Variants in UVSSA observed in about 807,000 individuals in gnomAD.
UVSSA encodes UV stimulated scaffold protein A.
A neutral mutation model predicts 73.9 loss-of-function variants in UVSSA; 72 were observed. The observed-to-expected ratio is 0.97, with a 90% CI of 0.81 to 1.19. UVSSA has a LOEUF of 1.19. Ranked by LOEUF, UVSSA falls within the 50% of genes most tolerant of loss-of-function variation. The probability of loss-of-function intolerance (pLI) is 0.00; values close to 1 mark genes in which losing one functional copy is unlikely to be tolerated. For missense variants in UVSSA, 1,150 were observed against 965.0 expected, an observed-to-expected ratio of 1.19 and a Z score of -2.54; for synonymous variants, 454 against 391.3, an observed-to-expected ratio of 1.16 and a Z score of -1.89.
chr4:1,369,062 G>A (rs1577342611), intron 8 of UVSSA, among the ~76,000 whole-genome samples: 1 of 152,232 alleles, frequency 6.6e-6, no homozygotes, highest in Non-Finnish European at 1.5e-5. Flanking sequence ...GCAGGCAGAG[G>A]CCCTGGTGGT....
intron 7 of UVSSA, among the ~76,000 whole-genome samples, chr4:1,357,200 C>G (rs1715907886): frequency 6.8e-6 from 1 of 146,632 alleles, no homozygotes; most frequent in Non-Finnish European, 1.5e-5. Flanking sequence ...GTGGCATGGT[C>G]TGGTCTCATC....
chr4:1,359,144 A>T (rs1716245739), intron 7 of UVSSA: 1 of 152,210 alleles, frequency 6.6e-6, no homozygotes, highest in Non-Finnish European at 1.5e-5. Context: ...GGGTTTGAAT[A>T]TGTGTGCTGT....
chr4:1,394,496 T>TGTC (rs777044921), exon 14 of UVSSA: 1 of 1,613,272 alleles, frequency 6.2e-7, no homozygotes, highest in East Asian at 2.2e-5. Context: ...GCTGTCCAGG[T>TGTC]GTCCCTGCAC....
intron 7 of UVSSA, among the ~76,000 whole-genome samples, chr4:1,359,925 GAA>G (rs1253512422): frequency 6.6e-6 from 1 of 152,352 alleles, no homozygotes; most frequent in African/African-American, 2.4e-5. Flanking sequence ...GTGCGTGAGG[GAA>G]AGTTTTCTGT....
chr4:1,384,215 G>C, intron 13 of UVSSA: 1 of 479,484 alleles, frequency 2.1e-6, no homozygotes, highest in Non-Finnish European at 3.8e-6. Context: ...CTTCCTGGGG[G>C]AGCCATGCCA....
At chr4:1,358,384 G>A (rs906295815) in intron 7 of UVSSA, 1 of 152,326 alleles carries the variant, frequency 6.6e-6, no homozygotes, top group Admixed American at 6.5e-5. Flanking sequence ...CACAGCTCCG[G>A]TGGGAAGGGA....
At chr4:1,352,270 G>A (rs751301813) in intron 4 of UVSSA, among the ~76,000 whole-genome samples, 1 of 152,174 alleles carries the variant, frequency 6.6e-6, no homozygotes, top group Non-Finnish European at 1.5e-5. Context: ...GGGGTGCCAC[G>A]GCCCTCCTGA....
rs530341211 is a variant in UVSSA at position 1,384,177 on chromosome 4, G to A, written c.2036+237G>A. The A allele has an allele frequency of 1.0e-3, 543 of 539,374 alleles. 1 individual carries two copies. The highest frequency in any genetic ancestry group is 1.6e-3 in the Non-Finnish European group (489 of 308,816). 33.4% of individuals were successfully genotyped at this position (539,374 alleles called of 1,614,324 possible). Reference sequence around the variant, plus strand: ...CCCAGCATTCCCCAGGATAAGAGGGGCTCGACCGCCAGGCACCGCCATCCT... The same window carrying A: ...CCCAGCATTCCCCAGGATAAGAGGGACTCGACCGCCAGGCACCGCCATCCT... On this transcript the variant is annotated intron_variant, in intron 13 of 13. Coordinates refer to ENST00000389851, the MANE Select transcript of UVSSA (RefSeq NM_020894.4).
intron 13 of UVSSA, 197 bp downstream of exon 13, chr4:1,384,137 T>G: frequency 1.5e-6 from 1 of 671,340 alleles, no homozygotes; most frequent in Admixed American, 3.0e-5. Flanking sequence ...CAGGCAGGTC[T>G]GCTCAGGAAC....
At chr4:1,349,193 T>C (rs1714267760) in intron 2 of UVSSA, among the ~76,000 whole-genome samples, 1 of 150,884 alleles carries the variant, frequency 6.6e-6, no homozygotes, top group Admixed American at 6.6e-5. Context: ...CTGTAGATGA[T>C]GTAGGTGGAT....
rs867066627 is a variant in UVSSA, at chr4:1,379,944, T to C, written c.1569-103T>C. 6.9e-5 allele frequency: 94 copies of C among 1,365,170 alleles called. 1 individual carries two copies. In the Middle Eastern group the frequency reaches 1.7e-3, roughly 25 times the overall value. 84.6% of individuals were successfully genotyped at this position (1,365,170 alleles called of 1,614,324 possible). A position where few individuals can be genotyped will look rare whatever the true frequency, so the allele number is the denominator to read the frequency against. ...GTGCTGTCCACAGTGTTGGGGTGGC[T>C]GGGCTGCAGTGGTGTTTGGCCTTCC... On this transcript the variant is annotated intron_variant, in intron 10 of 13. Coordinates refer to ENST00000389851, the MANE Select transcript of UVSSA (RefSeq NM_020894.4).
intron 7 of UVSSA, among the ~76,000 whole-genome samples, chr4:1,360,710 G>A (rs945793340): frequency 1.3e-5 from 2 of 152,192 alleles, no homozygotes; most frequent in Admixed American, 1.3e-4. Flanking sequence ...ACCAGAGCCC[G>A]GGAGCAAGGA....
chr4:1,342,924 G>C (rs1343842354), upstream of UVSSA, among the ~76,000 whole-genome samples: 1 of 151,872 alleles, frequency 6.6e-6, no homozygotes, highest in Non-Finnish European at 1.5e-5. Context: ...GGTATGATGA[G>C]TCCTCCAGTT....
At chr4:1,372,935 C>G (rs1718317355) in intron 8 of UVSSA, among the ~76,000 whole-genome samples, 1 of 150,460 alleles carries the variant, frequency 6.6e-6, no homozygotes. Flanking sequence ...TTTGCTCCAC[C>G]CCCTGCCCCC....
At chr4:1,353,940 G>A (rs893097390) in intron 5 of UVSSA, among the ~76,000 whole-genome samples, 4 of 152,186 alleles carry the variant, frequency 2.6e-5, no homozygotes, top group African/African-American at 9.7e-5. Context: ...AGACATAGCC[G>A]CCCCCGCCCC....
chr4:1,377,713 G>C (rs981398019), intron 10 of UVSSA, among the ~76,000 whole-genome samples: 9 of 152,202 alleles, frequency 5.9e-5, no homozygotes, highest in Non-Finnish European at 1.3e-4. Flanking sequence ...GTGAGGACCC[G>C]GTTAGTCCTG....
In UVSSA at chr4:1,381,013, G is replaced by A. The variant is rs374817369; in HGVS notation, c.1861+25G>A. Reference sequence around the variant, plus strand: ...GGTAGGTCTGGGCAAGGCGGTCACCGTGGGAGGCACAGCCTGGGACTCACT... The same window carrying A: ...GGTAGGTCTGGGCAAGGCGGTCACCATGGGAGGCACAGCCTGGGACTCACT... On this transcript the variant is annotated intron_variant, in intron 12 of 13. Transcript: ENST00000389851. 265 of 1,603,522 alleles carry A rather than the reference G, an allele frequency of 1.7e-4. 1 individual carries two copies. The highest frequency in any genetic ancestry group is 5.9e-4 in the Middle Eastern group (3 of 5,096).
rs75631971 is a variant in UVSSA at position 1,381,467 on chromosome 4, C to T, written c.1861+479C>T. Reference sequence around the variant, plus strand: ...GGCCACTGCTATGGCGGCAGGAGTGCGGGTGCCCAGAGGCCCTGGACAGCA... The same window carrying T: ...GGCCACTGCTATGGCGGCAGGAGTGTGGGTGCCCAGAGGCCCTGGACAGCA... On this transcript the variant is annotated intron_variant, in intron 12 of 13. Transcript: ENST00000389851. Among the ~76,000 whole-genome samples the T allele has an allele frequency of 6.0e-3, 917 of 152,310 alleles. 8 individuals are homozygous for T. The highest frequency in any genetic ancestry group is 0.021 in the African/African-American group (865 of 41,564).
exon 14 of UVSSA, chr4:1,395,974 A>C: frequency 1.4e-6 from 2 of 1,472,712 alleles, no homozygotes; most frequent in South Asian, 2.8e-5. Context: ...ATGCTGATTA[A>C]AAGACAAACC....
Sources: allele counts gnomAD v4.1 joint callset (sites outside exome capture counted in the v4.1 genomes callset), GRCh38; gene constraint gnomAD v4.1.1; transcripts MANE v1.5; gene names NCBI Gene and HGNC (gene_info 2026-07-23, HGNC 2026-07-21).